MGAT4C: variants seen among roughly 807,000 people sequenced by gnomAD.
MGAT4C encodes alpha-1,3-mannosyl-glycoprotein 4-beta-N-acetylglucosaminyltransferase C.
MGAT4C carries 19 observed loss-of-function variants against 40.1 expected under a neutral mutation model. The ratio of observed to expected loss-of-function variants is 0.47; its 90% confidence interval spans 0.33 to 0.70. The LOEUF (loss-of-function observed/expected upper bound fraction) is 0.70. Among genes scored for constraint, MGAT4C ranks in the 30% least tolerant of loss-of-function variants. The probability of loss-of-function intolerance (pLI) is 0.02; values close to 1 mark genes in which losing one functional copy is unlikely to be tolerated. For missense variants in MGAT4C, 491 were observed against 563.2 expected, an observed-to-expected ratio of 0.87 and a Z score of 1.30; for synonymous variants, 181 against 187.1, an observed-to-expected ratio of 0.97 and a Z score of 0.27.
chr12:86,443,880 C>A (rs1957284373), intron 2 of MGAT4C, among the ~76,000 whole-genome samples: 1 of 152,292 alleles, frequency 6.6e-6, no homozygotes, highest in Non-Finnish European at 1.5e-5. Context: ...AGGCACATGC[C>A]ACCATGCCCG....
In MGAT4C at chr12:86,184,627, C is replaced by CT. The variant is rs201379929; in HGVS notation, c.-57+71611dup. On this transcript the variant is annotated intron_variant, in intron 1 of 4. Transcript: ENST00000611864. ...TTTGTTGAATAAATTATCACATTTTCTTTTTTTTTCTCTTCCTTCCATTCT... is the reference window on the plus strand; with the variant it reads ...TTTGTTGAATAAATTATCACATTTTCTTTTTTTTTTCTCTTCCTTCCATTCT... Among the ~76,000 whole-genome samples the CT allele has an allele frequency of 6.4e-3, 484 of 75,354 alleles. 2 individuals are homozygous for CT. Among genetic ancestry groups the CT allele is most frequent in the African/African-American group, 0.018 (458 of 25,148 alleles). The allele number at this position is 75,354 out of a possible 152,430, so 49.4% of individuals were successfully genotyped here.
intron 2 of MGAT4C, among the ~76,000 whole-genome samples, chr12:86,689,515 TG>T (rs1177014900): frequency 9.8e-5 from 15 of 152,318 alleles, no homozygotes; most frequent in Admixed American, 3.3e-4. Flanking sequence ...TCCTTTTTGT[TG>T]ATGTTGATAT....
chr12:86,379,510 A>G (rs779307836), intron 3 of MGAT4C, among the ~76,000 whole-genome samples: 40 of 152,208 alleles, frequency 2.6e-4, no homozygotes, highest in Admixed American at 1.2e-3. Context: ...TCTTTCTGGC[A>G]AAGGTTATTT....
chr12:85,980,990 A>C (rs1328398923), intron 4 of MGAT4C, among the ~76,000 whole-genome samples: 1 of 152,202 alleles, frequency 6.6e-6, no homozygotes, highest in Non-Finnish European at 1.5e-5. Context: ...TGCTGTCATT[A>C]TGTTGTACTA....
intron 1 of MGAT4C, among the ~76,000 whole-genome samples, chr12:86,106,447 C>G (rs1229446347): frequency 1.3e-5 from 2 of 152,088 alleles, no homozygotes; most frequent in East Asian, 3.9e-4. Context: ...ACTGCACGTT[C>G]CCGCCAGGAT....
intron 2 of MGAT4C, among the ~76,000 whole-genome samples, chr12:86,605,079 G>T (rs1048015310): frequency 1.3e-5 from 2 of 152,090 alleles, no homozygotes; most frequent in African/African-American, 4.8e-5. Flanking sequence ...AGGGAACAGT[G>T]CTTCAGGGAA....
At chr12:86,138,309 A>AT (rs1015178568) in intron 1 of MGAT4C, among the ~76,000 whole-genome samples, 31 of 140,048 alleles carry the variant, frequency 2.2e-4, no homozygotes, top group South Asian at 6.8e-4. Context: ...TGTTACAATC[A>AT]TTTTTTTTTT....
At chr12:86,732,587 T>C (rs1045615554) in intron 1 of MGAT4C, among the ~76,000 whole-genome samples, 3 of 151,860 alleles carry the variant, frequency 2.0e-5, no homozygotes, top group African/African-American at 7.3e-5. Flanking sequence ...TTCACTAGAG[T>C]TCGGACTCCT....
chr12:86,417,721 C>G (rs1956744984), intron 3 of MGAT4C, among the ~76,000 whole-genome samples: 1 of 151,786 alleles, frequency 6.6e-6, no homozygotes, highest in African/African-American at 2.4e-5. Context: ...TTATTTCCAC[C>G]ATGCATTATG....
chr12:86,333,844 C>T (rs1000755158), intron 4 of MGAT4C, among the ~76,000 whole-genome samples: 21 of 152,128 alleles, frequency 1.4e-4, no homozygotes, highest in African/African-American at 5.1e-4. Flanking sequence ...CAGTTAATAG[C>T]ACAAATACAT....
chr12:86,184,077 A>G (rs994279535), intron 1 of MGAT4C, among the ~76,000 whole-genome samples: 1 of 152,138 alleles, frequency 6.6e-6, no homozygotes, highest in Non-Finnish European at 1.5e-5. Flanking sequence ...TCCTCTTTTC[A>G]CCATTCACTA....
At chr12:86,741,694 G>T (rs1434845191) in intron 1 of MGAT4C, among the ~76,000 whole-genome samples, 1 of 151,296 alleles carries the variant, frequency 6.6e-6, no homozygotes, top group South Asian at 2.1e-4. Flanking sequence ...GAAATTTCAT[G>T]CAAGAATAGT....
At chr12:86,441,343 T>TTATTA (rs1565764809) in intron 2 of MGAT4C, among the ~76,000 whole-genome samples, 8 of 150,026 alleles carry the variant, frequency 5.3e-5, no homozygotes, top group African/African-American at 2.0e-4. Context: ...TATTATTATT[T>TTATTA]TTATTATTAT....
At chr12:85,997,898 A>G (rs1275714601) in intron 2 of MGAT4C, among the ~76,000 whole-genome samples, 1 of 152,196 alleles carries the variant, frequency 6.6e-6, no homozygotes, top group Non-Finnish European at 1.5e-5. Flanking sequence ...CTCTTCTCAC[A>G]GCACCACTAC....
rs1883235975 is a variant in MGAT4C, at chr12:85,963,944, A to G, written c.*15345T>C. The G allele has an allele frequency of 6.6e-6, 1 of 152,036 alleles. No homozygotes were observed. The highest frequency in any genetic ancestry group is 2.1e-4 in the South Asian group (1 of 4,826). 9.4% of individuals were successfully genotyped at this position (152,036 alleles called of 1,614,324 possible). A position where few individuals can be genotyped will look rare whatever the true frequency, so the allele number is the denominator to read the frequency against. On this transcript the variant is annotated 3_prime_UTR_variant, in exon 5 of 5. Coordinates refer to ENST00000611864, the MANE Select transcript of MGAT4C (RefSeq NM_001351288.2). ...CAAGAGTAAAATGGGAAAAAATCAT[A>G]TTGGGTAAATAGTATCACCCCAAAG...
chr12:86,421,909 A>G (rs1192645683), intron 3 of MGAT4C, among the ~76,000 whole-genome samples: 1 of 152,224 alleles, frequency 6.6e-6, no homozygotes, highest in East Asian at 1.9e-4. Flanking sequence ...TTGAAGTATA[A>G]GCAGAAATTG....
chr12:86,090,636 T>A (rs1306495654), intron 1 of MGAT4C, among the ~76,000 whole-genome samples: 1 of 151,940 alleles, frequency 6.6e-6, no homozygotes, highest in Non-Finnish European at 1.5e-5. Flanking sequence ...GTGACAGGTT[T>A]AGTTCAAGGC....
chr12:86,105,025 G>T (rs1053803211), intron 1 of MGAT4C, among the ~76,000 whole-genome samples: 1 of 151,984 alleles, frequency 6.6e-6, no homozygotes, highest in Non-Finnish European at 1.5e-5. Context: ...TACAAAGGCC[G>T]TTACATCTTA....
chr12:86,239,100 A>G (rs1344099691), intron 1 of MGAT4C, among the ~76,000 whole-genome samples: 3 of 151,978 alleles, frequency 2.0e-5, no homozygotes, highest in South Asian at 2.1e-4. Flanking sequence ...CTTGTCTTTT[A>G]CTTTTAGGAA....
Sources: allele counts gnomAD v4.1 joint callset (sites outside exome capture counted in the v4.1 genomes callset), GRCh38; gene constraint gnomAD v4.1.1; transcripts MANE v1.5; gene names NCBI Gene and HGNC (gene_info 2026-07-23, HGNC 2026-07-21).